The following WDR41 variants were observed in gnomAD, a reference collection of about 807,000 sequenced individuals.
The protein encoded by WDR41 is WD repeat domain 41, also known as WD repeat-containing protein 41.
Under a neutral mutation model 69.3 loss-of-function variants are expected in WDR41, and 63 were observed. The observed-to-expected ratio is 0.91, with a 90% CI of 0.74 to 1.12. WDR41 has a LOEUF of 1.12. Among genes scored for constraint, WDR41 ranks in the 50% most tolerant of loss-of-function variants. The pLI is 0.00. For synonymous variants in WDR41, 185 were observed against 192.1 expected (o/e 0.96, Z 0.31); for missense variants, 543 against 534.5 (o/e 1.02, Z -0.16).
chr5:77,537,201 G>A (rs1029345481), intron 1 of WDR41, among the ~76,000 whole-genome samples: 2 of 152,122 alleles, frequency 1.3e-5, no homozygotes, highest in Non-Finnish European at 2.9e-5. Context: ...GGTTCCATGA[G>A]AGCAACCACT....
chr5:77,607,061 T>C (rs1744436910), intron 1 of WDR41, among the ~76,000 whole-genome samples: 1 of 151,696 alleles, frequency 6.6e-6, no homozygotes, highest in African/African-American at 2.4e-5. Flanking sequence ...AACCAAGCAG[T>C]AGTACACATG....
intron 2 of WDR41, among the ~76,000 whole-genome samples, chr5:77,471,813 G>A (rs1329157913): frequency 2.6e-5 from 4 of 152,048 alleles, no homozygotes; most frequent in African/African-American, 9.7e-5. Context: ...AAAAATCCAG[G>A]ACCAGATGGA....
At chr5:77,505,637 T>C (rs1335836966) in intron 1 of WDR41, among the ~76,000 whole-genome samples, 16 of 152,166 alleles carry the variant, frequency 1.1e-4, no homozygotes, top group Non-Finnish European at 2.2e-4. Flanking sequence ...CTTCAAACTA[T>C]GCTACAAGGC....
At chr5:77,534,326 A>G (rs998548849) in intron 1 of WDR41, among the ~76,000 whole-genome samples, 12 of 141,948 alleles carry the variant, frequency 8.5e-5, no homozygotes, top group African/African-American at 2.9e-4. Flanking sequence ...CTACACCACT[A>G]TATGTGGGGG....
chr5:77,512,955 G>A (rs75030350), intron 1 of WDR41, among the ~76,000 whole-genome samples: 267 of 152,126 alleles, frequency 1.8e-3, no homozygotes, highest in African/African-American at 6.1e-3. Context: ...GTCTTAATTA[G>A]CAATGGAAAT....
At chr5:77,449,925 C>G in intron 7 of WDR41, 55 bp from the exon 8 acceptor site, 11 of 1,167,276 alleles carry the variant, frequency 9.4e-6, no homozygotes, top group Non-Finnish European at 1.4e-5. Context: ...GGATAAAATA[C>G]TACTCCTGCT....
chr5:77,484,500 TA>T (rs1360337277), intron 2 of WDR41, among the ~76,000 whole-genome samples: 3 of 152,192 alleles, frequency 2.0e-5, no homozygotes, highest in African/African-American at 4.8e-5. Flanking sequence ...ATAAGTGCTT[TA>T]AAAAAATGCC....
chr5:77,450,960 T>C (rs749832614), intron 7 of WDR41, among the ~76,000 whole-genome samples: 22 of 152,140 alleles, frequency 1.4e-4, no homozygotes, highest in Non-Finnish European at 2.6e-4. Flanking sequence ...TTTCAGTCAA[T>C]AGAAAAGAGA....
At chr5:77,478,046 C>T (rs1581748390) in intron 2 of WDR41, among the ~76,000 whole-genome samples, 1 of 152,150 alleles carries the variant, frequency 6.6e-6, no homozygotes. Context: ...ATTACAGACA[C>T]CTCTACGCAA....
chr5:77,547,070 A>T (rs1248677795), intron 1 of WDR41, among the ~76,000 whole-genome samples: 1 of 152,094 alleles, frequency 6.6e-6, no homozygotes, highest in African/African-American at 2.4e-5. Flanking sequence ...CAAAATCAGC[A>T]TCCCTTTATG....
intron 1 of WDR41, among the ~76,000 whole-genome samples, chr5:77,512,365 T>A (rs796453440): frequency 0.47 from 56,213 of 119,516 alleles, 12,521 homozygotes; most frequent in African/African-American, 0.57. Flanking sequence ...AGTGTGTGTG[T>A]GTGTGTGTGT....
At chr5:77,434,948 A>G (rs76180498) in intron 12 of WDR41, among the ~76,000 whole-genome samples, 14,926 of 152,158 alleles carry the variant, frequency 0.098, 1,316 homozygotes, top group African/African-American at 0.23. Context: ...TTTAAAAAAT[A>G]AAGTCCAAAC....
chr5:77,504,620 C>A (rs544392071), intron 1 of WDR41, among the ~76,000 whole-genome samples: 3 of 152,272 alleles, frequency 2.0e-5, no homozygotes, highest in Admixed American at 2.0e-4. Context: ...ATGCAAAAAT[C>A]CTCAATAAAA....
At chr5:77,498,455 T>G (rs1801966133) in intron 1 of WDR41, among the ~76,000 whole-genome samples, 2 of 152,182 alleles carry the variant, frequency 1.3e-5, no homozygotes, top group Non-Finnish European at 2.9e-5. Context: ...TTATATCTCA[T>G]TCCATAAGCA....
intron 2 of WDR41, among the ~76,000 whole-genome samples, chr5:77,474,407 G>A (rs189748354): frequency 1.3e-5 from 2 of 151,854 alleles, no homozygotes; most frequent in Admixed American, 1.3e-4. Context: ...TGCACATTGT[G>A]CACATGTACC....
intron 1 of WDR41, among the ~76,000 whole-genome samples, chr5:77,557,625 G>A (rs755959723): frequency 4.6e-5 from 7 of 150,920 alleles, no homozygotes; most frequent in African/African-American, 9.9e-5. Flanking sequence ...CAGTATAGTC[G>A]CTTTGAAAAA....
intron 1 of WDR41, among the ~76,000 whole-genome samples, chr5:77,534,689 C>T (rs1334928903): frequency 1.4e-5 from 2 of 144,742 alleles, no homozygotes; most frequent in Admixed American, 1.4e-4. Flanking sequence ...CCACCTTGGC[C>T]TCCCAAAGTG....
chr5:77,542,646 T>TA (rs1168846329), intron 1 of WDR41, among the ~76,000 whole-genome samples: 2 of 152,124 alleles, frequency 1.3e-5, no homozygotes, highest in African/African-American at 4.8e-5. Flanking sequence ...TGATTAGAAT[T>TA]AAAATGTTCT....
intron 9 of WDR41, among the ~76,000 whole-genome samples, chr5:77,438,828 C>T (rs1046665027): frequency 2.6e-5 from 4 of 152,088 alleles, no homozygotes; most frequent in Admixed American, 6.6e-5. Flanking sequence ...CAAAAAAGCA[C>T]GGCTACAGTG....
Sources: allele counts gnomAD v4.1 joint callset (sites outside exome capture counted in the v4.1 genomes callset), GRCh38; gene constraint gnomAD v4.1.1; transcripts MANE v1.5; gene names NCBI Gene and HGNC (gene_info 2026-07-23, HGNC 2026-07-21).